The following LRRC4C variants were observed in gnomAD, a reference collection of about 807,000 sequenced individuals.
The protein encoded by LRRC4C is leucine rich repeat containing 4C.
In LRRC4C, 5 loss-of-function variants were observed where a neutral mutation model predicts 33.6. That is an observed-to-expected ratio of 0.15 (90% CI 0.08 to 0.31). The LOEUF (loss-of-function observed/expected upper bound fraction) is 0.31, where lower values mean the gene tolerates loss of function less well. Among genes scored for constraint, LRRC4C ranks in the 10% least tolerant of loss-of-function variants. The pLI is 1.00. For synonymous variants in LRRC4C, 329 were observed against 302.0 expected, an observed-to-expected ratio of 1.09 and a Z score of -0.93; for missense variants, 560 against 796.7, an observed-to-expected ratio of 0.70 and a Z score of 3.58.
At chr11:41,262,798 G>C (rs899866422) in intron 1 of LRRC4C, among the ~76,000 whole-genome samples, 2 of 152,016 alleles carry the variant, frequency 1.3e-5, no homozygotes, top group Non-Finnish European at 2.9e-5. Flanking sequence ...TAAAATAGGA[G>C]GTAAAAGTCT....
intron 1 of LRRC4C, among the ~76,000 whole-genome samples, chr11:41,338,114 T>C (rs1278623191): frequency 1.3e-5 from 2 of 152,192 alleles, no homozygotes; most frequent in Admixed American, 6.5e-5. Flanking sequence ...AATTCAACCA[T>C]TGTGGAGACA....
chr11:40,581,413 C>A (rs1254187168), intron 3 of LRRC4C, among the ~76,000 whole-genome samples: 1 of 152,136 alleles, frequency 6.6e-6, no homozygotes, highest in Non-Finnish European at 1.5e-5. Flanking sequence ...GCTGAGTTGT[C>A]CCCCTCTATA....
chr11:40,538,689 A>G (rs1332606519), intron 3 of LRRC4C, among the ~76,000 whole-genome samples: 2 of 152,084 alleles, frequency 1.3e-5, no homozygotes, highest in Non-Finnish European at 2.9e-5. Flanking sequence ...TAGTTACTCT[A>G]GTATTTCTAG....
At chr11:40,804,816 G>C (rs1051539682) in intron 2 of LRRC4C, among the ~76,000 whole-genome samples, 1 of 152,026 alleles carries the variant, frequency 6.6e-6, no homozygotes, top group African/African-American at 2.4e-5. Flanking sequence ...CTCTTATGTA[G>C]AGAAACATTT....
At chr11:41,253,170 C>A (rs745809345) in intron 1 of LRRC4C, among the ~76,000 whole-genome samples, 2 of 152,080 alleles carry the variant, frequency 1.3e-5, no homozygotes, top group Admixed American at 6.6e-5. Flanking sequence ...TGAGGATATT[C>A]ATTGCCCCTA....
chr11:40,417,071 T>C (rs1950349134), intron 3 of LRRC4C, among the ~76,000 whole-genome samples: 1 of 152,188 alleles, frequency 6.6e-6, no homozygotes, highest in Non-Finnish European at 1.5e-5. Flanking sequence ...GAAAGCAGCA[T>C]GGTTTAGTTA....
chr11:41,038,812 C>T (rs1231657815), intron 1 of LRRC4C, among the ~76,000 whole-genome samples: 2 of 152,158 alleles, frequency 1.3e-5, no homozygotes, highest in Non-Finnish European at 2.9e-5. Flanking sequence ...GAGTTTAGGA[C>T]ATACTAACCC....
At chr11:41,332,792 T>C (rs961133189) in intron 1 of LRRC4C, among the ~76,000 whole-genome samples, 4 of 152,212 alleles carry the variant, frequency 2.6e-5, no homozygotes, top group Non-Finnish European at 5.9e-5. Context: ...CATTCTTGCA[T>C]CTTTAGCAAT....
intron 5 of LRRC4C, among the ~76,000 whole-genome samples, chr11:40,194,590 G>T (rs1393198607): frequency 1.3e-5 from 2 of 151,698 alleles, no homozygotes; most frequent in African/African-American, 2.4e-5. Flanking sequence ...TGGGCACAGT[G>T]GGGGGAACAT....
chr11:40,300,764 C>A (rs1369744808), intron 4 of LRRC4C, among the ~76,000 whole-genome samples: 4 of 152,202 alleles, frequency 2.6e-5, no homozygotes, highest in Non-Finnish European at 5.9e-5. Context: ...TAATACCCAG[C>A]ACTTGGCAAA....
chr11:40,731,305 C>T (rs1947572262), intron 2 of LRRC4C, among the ~76,000 whole-genome samples: 1 of 150,014 alleles, frequency 6.7e-6, no homozygotes, highest in South Asian at 2.1e-4. Flanking sequence ...GGCAACAGAG[C>T]CAGACTCCGT....
chr11:40,485,361 C>T (rs576388326), intron 3 of LRRC4C, among the ~76,000 whole-genome samples: 28 of 151,758 alleles, frequency 1.8e-4, no homozygotes, highest in African/African-American at 6.3e-4. Context: ...CTCACATGCG[C>T]GCTCTCTCTC....
At chr11:40,500,197 G>A (rs2138611458) in intron 3 of LRRC4C, among the ~76,000 whole-genome samples, 1 of 148,136 alleles carries the variant, frequency 6.8e-6, no homozygotes, top group African/African-American at 2.5e-5. Context: ...TAAGATGTAT[G>A]GATTATAATG....
chr11:41,426,910 G>A (rs1222997099), intron 1 of LRRC4C, among the ~76,000 whole-genome samples: 1 of 152,172 alleles, frequency 6.6e-6, no homozygotes, highest in Admixed American at 6.5e-5. Flanking sequence ...AAGCATGGCT[G>A]CTGGTGACCA....
chr11:40,528,664 G>T (rs1049388164), intron 3 of LRRC4C, among the ~76,000 whole-genome samples: 1 of 151,850 alleles, frequency 6.6e-6, no homozygotes, highest in Non-Finnish European at 1.5e-5. Flanking sequence ...ACTGAAATAA[G>T]AATCTCAAAA....
rs377312261 is a variant in LRRC4C at position 40,880,518 on chromosome 11, C to A, written c.-407+53117G>T. 1.3e-3 allele frequency among the ~76,000 whole-genome samples: 173 copies of A among 138,262 alleles called. 1 individual carries two copies. The highest frequency in any genetic ancestry group is 4.5e-3 in the African/African-American group (166 of 36,750). 90.7% of individuals were successfully genotyped at this position (138,262 alleles called of 152,430 possible). A position where few individuals can be genotyped will look rare whatever the true frequency, so the allele number is the denominator to read the frequency against. Reference sequence around the variant, plus strand: ...GGAAATCTGGTGACTCCTACGAACCCCTCCACAGAATAAGATTTTTAAATG... The same window carrying A: ...GGAAATCTGGTGACTCCTACGAACCACTCCACAGAATAAGATTTTTAAATG... On this transcript the variant is annotated intron_variant, in intron 2 of 6. Transcript: ENST00000528697.
chr11:40,605,366 G>A (rs962614097), intron 3 of LRRC4C, among the ~76,000 whole-genome samples: 7 of 152,000 alleles, frequency 4.6e-5, no homozygotes, highest in Admixed American at 3.9e-4. Context: ...TCAGTGGGAC[G>A]GCAGAATAGG....
Position 40,535,316 on chromosome 11 carries a change from T to G in LRRC4C, c.-270+112826A>C, listed in dbSNP as rs572277462. On this transcript the variant is annotated intron_variant, in intron 3 of 6. Coordinates refer to ENST00000528697, the MANE Select transcript of LRRC4C (RefSeq NM_001258419.2). ...CTGCAATTTTTAACCAGAGAAATAC[T>G]AATAGAAAAAAGTATATAAAAAACT... is the stretch of plus-strand genomic sequence containing the variant. Among the ~76,000 whole-genome samples the G allele has an allele frequency of 1.4e-4, 21 of 152,236 alleles. 1 individual carries two copies. The East Asian group carries it at 3.7e-3, about 27-fold the overall frequency.
intron 5 of LRRC4C, among the ~76,000 whole-genome samples, chr11:40,203,989 C>T (rs1862961032): frequency 6.6e-6 from 1 of 152,168 alleles, no homozygotes; most frequent in Non-Finnish European, 1.5e-5. Context: ...GTGGCACAAT[C>T]ATAGCTCACT....
Sources: allele counts gnomAD v4.1 joint callset (sites outside exome capture counted in the v4.1 genomes callset), GRCh38; gene constraint gnomAD v4.1.1; transcripts MANE v1.5; gene names NCBI Gene and HGNC (gene_info 2026-07-23, HGNC 2026-07-21).